The following P2RY14 variants were observed in gnomAD, a reference collection of about 807,000 sequenced individuals.
The protein encoded by P2RY14 is P2Y purinoceptor 14.
In P2RY14, 2 loss-of-function variants were observed where a neutral mutation model predicts 0.9. The observed-to-expected ratio is 2.16, with a 90% CI of 0.88 to 6.79. P2RY14 has a LOEUF of 6.79. Ranked by LOEUF, P2RY14 falls within the 30% of genes most tolerant of loss-of-function variation. The pLI, the probability that P2RY14 is intolerant of heterozygous loss-of-function variation, is 0.05. For missense variants in P2RY14, 378 were observed against 400.1 expected, an observed-to-expected ratio of 0.94 and a Z score of 0.47; for synonymous variants, 158 against 147.2, an observed-to-expected ratio of 1.07 and a Z score of -0.53.
At chr3:151,277,361 T>C (rs957277379) in intron 1 of P2RY14, among the ~76,000 whole-genome samples, 12 of 152,342 alleles carry the variant, frequency 7.9e-5, no homozygotes, top group Non-Finnish European at 1.8e-4. Context: ...AATCATAAAA[T>C]ATGCCATTTT....
intron 1 of P2RY14, among the ~76,000 whole-genome samples, chr3:151,250,105 T>C (rs911072441): frequency 6.6e-5 from 10 of 152,294 alleles, no homozygotes; most frequent in African/African-American, 1.2e-4. Context: ...TTGTTGGAAA[T>C]GGTCTGCGTT....
intron 1 of P2RY14, among the ~76,000 whole-genome samples, chr3:151,250,131 C>G (rs943957459): frequency 2.0e-5 from 3 of 152,166 alleles, no homozygotes; most frequent in African/African-American, 7.2e-5. Context: ...TCTCCACTTT[C>G]CCATTCACTC....
intron 1 of P2RY14, among the ~76,000 whole-genome samples, chr3:151,230,861 T>G (rs1731533872): frequency 6.6e-6 from 1 of 152,134 alleles, no homozygotes; most frequent in Admixed American, 6.5e-5. Context: ...GCTCATCTTG[T>G]TTGGAACTCT....
At chr3:151,267,542 C>T (rs1230893489) in intron 1 of P2RY14, among the ~76,000 whole-genome samples, 1 of 152,218 alleles carries the variant, frequency 6.6e-6, no homozygotes, top group Non-Finnish European at 1.5e-5. Flanking sequence ...ATGAGAGCCT[C>T]GGTCCTTGCT....
chr3:151,232,865 A>G (rs764793144), intron 1 of P2RY14, among the ~76,000 whole-genome samples: 2 of 152,214 alleles, frequency 1.3e-5, no homozygotes, highest in East Asian at 1.9e-4. Context: ...AAAATCTGCA[A>G]CAAATCCCTG....
intron 1 of P2RY14, among the ~76,000 whole-genome samples, chr3:151,267,540 C>T (rs1740064848): frequency 6.6e-6 from 1 of 152,132 alleles, no homozygotes; most frequent in South Asian, 2.1e-4. Context: ...AAATGAGAGC[C>T]TCGGTCCTTG....
chr3:151,246,061 A>C (rs1180111918), intron 1 of P2RY14, among the ~76,000 whole-genome samples: 2 of 151,800 alleles, frequency 1.3e-5, no homozygotes, highest in Admixed American at 1.3e-4. Context: ...TCCAACTTAC[A>C]AGGGATGTGA....
chr3:151,238,862 G>A (rs1733470167), intron 1 of P2RY14, among the ~76,000 whole-genome samples: 1 of 152,136 alleles, frequency 6.6e-6, no homozygotes, highest in South Asian at 2.1e-4. Flanking sequence ...TTGTATAATT[G>A]AGTTATAAGC....
chr3:151,252,087 T>C (rs1736958872), intron 1 of P2RY14, among the ~76,000 whole-genome samples: 2 of 152,154 alleles, frequency 1.3e-5, no homozygotes, highest in South Asian at 4.1e-4. Context: ...CCCTTTCCTA[T>C]GGGAGGTTAT....
rs1275411729 is a variant in P2RY14, at chr3:151,214,260, C to G, written c.57G>C (p.Leu19=). ...PPDESCSQNL[L]ITQQIIPVLY... is the part of the protein sequence containing the mutation. ...GCACAGGAATGATCTGCTGAGTGAT[C>G]AGGAGGTTCTGAGAGCAGGATTCAT... The change falls in exon 3 of 3, where the codon CTG becomes CTC. Residue 19 remains leucine, a synonymous_variant. Coordinates refer to ENST00000309170, the MANE Select transcript of P2RY14 (RefSeq NM_014879.4). The G allele has an allele frequency of 1.9e-6, 3 of 1,613,872 alleles. No individual in the cohort carries two copies. The highest frequency in any genetic ancestry group is 2.5e-6 in the Non-Finnish European group (3 of 1,179,928).
chr3:151,244,087 C>G (rs1734823856), intron 1 of P2RY14, among the ~76,000 whole-genome samples: 1 of 112,996 alleles, frequency 8.8e-6, no homozygotes, highest in African/African-American at 2.8e-5. Context: ...TATATATGCA[C>G]CCAATACAGG....
Position 151,278,457 on chromosome 3 carries a change from C to T in P2RY14, c.-303G>A, listed in dbSNP as rs1742269921. 1 of 151,640 alleles carries T rather than the reference C, an allele frequency of 6.6e-6. No individual in the cohort carries two copies. The highest frequency in any genetic ancestry group is 1.5e-5 in the Non-Finnish European group (1 of 67,760). 9.4% of individuals were successfully genotyped at this position (151,640 alleles called of 1,614,324 possible). ...TAGTGGGTCCCTCTGCTGCTGTTGT[C>T]AGATAGAATTTATTGAAGACTGGGA... On this transcript the variant is annotated 5_prime_UTR_variant, in exon 1 of 3. Transcript: ENST00000309170.
rs192558003 is a variant in P2RY14, at chr3:151,226,407, C to T, written c.-132-6765G>A. Among the ~76,000 whole-genome samples the T allele has an allele frequency of 2.6e-5, 4 of 152,244 alleles. No individual in the cohort carries two copies. In the East Asian group the frequency reaches 5.8e-4, roughly 22 times the overall value. Reference sequence around the variant, plus strand: ...TAAACGTTTACGTTACAAATGAGGACAGTGATGCTTAAAATGGTTAAGTGA... The same window carrying T: ...TAAACGTTTACGTTACAAATGAGGATAGTGATGCTTAAAATGGTTAAGTGA... On this transcript the variant is annotated intron_variant, in intron 1 of 2. Transcript: ENST00000309170.
intron 1 of P2RY14, among the ~76,000 whole-genome samples, chr3:151,226,115 A>T (rs1408377766): frequency 6.6e-6 from 1 of 152,204 alleles, no homozygotes; most frequent in Non-Finnish European, 1.5e-5. Flanking sequence ...AAGGTATGAC[A>T]TGGGGTCATC....
In P2RY14 at chr3:151,212,685, A is replaced by T. The variant is rs1164289275; in HGVS notation, c.*615T>A. ...CCTCAAAGTGCTATCAGAAAAAAAAAATTTTCTTGCTAAGTATACAATTAA... is the reference window on the plus strand; with the variant it reads ...CCTCAAAGTGCTATCAGAAAAAAAATATTTTCTTGCTAAGTATACAATTAA... On this transcript the variant is annotated 3_prime_UTR_variant, in exon 3 of 3. Transcript: ENST00000309170. 1.3e-5 allele frequency: 2 copies of T among 152,074 alleles called. No homozygotes were observed. Among genetic ancestry groups the T allele is most frequent in the African/African-American group, 2.4e-5 (1 of 41,402 alleles). 9.4% of individuals were successfully genotyped at this position (152,074 alleles called of 1,614,324 possible).
At position 151,273,645 on chromosome 3, in the gene P2RY14, C is replaced by T. The variant is rs777808281; in HGVS notation, c.-133+4642G>A. Among the ~76,000 whole-genome samples, 81 of 152,118 alleles carry T rather than the reference C, an allele frequency of 5.3e-4. 1 individual carries two copies. Among genetic ancestry groups the T allele is most frequent in the Middle Eastern group, 3.4e-3 (1 of 294 alleles). On this transcript the variant is annotated intron_variant, in intron 1 of 2. Transcript: ENST00000309170. ...AATGAGGCATAGAGTTGTTAAGTGA[C>T]TTTATTAAGGTTGTATTAGAATAAG...
chr3:151,228,750 A>G (rs773803758), intron 1 of P2RY14, among the ~76,000 whole-genome samples: 2 of 152,214 alleles, frequency 1.3e-5, no homozygotes, highest in East Asian at 3.8e-4. Flanking sequence ...AAAGCTCTGC[A>G]TCACTCCTGG....
intron 1 of P2RY14, among the ~76,000 whole-genome samples, chr3:151,220,485 T>A (rs567191115): frequency 4.1e-4 from 63 of 152,268 alleles, no homozygotes; most frequent in African/African-American, 1.4e-3. Flanking sequence ...TGGCTCTGTG[T>A]CCCCACCAAA....
chr3:151,277,281 A>T (rs755745865), intron 1 of P2RY14, among the ~76,000 whole-genome samples: 30 of 152,186 alleles, frequency 2.0e-4, no homozygotes, highest in Non-Finnish European at 3.7e-4. Flanking sequence ...TGTGCACACA[A>T]TTGTATGCAT....
Sources: allele counts gnomAD v4.1 joint callset (sites outside exome capture counted in the v4.1 genomes callset), GRCh38; gene constraint gnomAD v4.1.1; transcripts MANE v1.5; gene names NCBI Gene and HGNC (gene_info 2026-07-23, HGNC 2026-07-21).